The following RNF115 variants were observed in gnomAD, a reference collection of about 807,000 sequenced individuals.
The protein encoded by RNF115 is E3 ubiquitin-protein ligase RNF115.
Under a neutral mutation model 39.2 loss-of-function variants are expected in RNF115, and 31 were observed. The ratio of observed to expected loss-of-function variants is 0.79; its 90% confidence interval spans 0.59 to 1.07. RNF115 has a LOEUF of 1.07. Among genes scored for constraint, RNF115 ranks in the 50% least tolerant of loss-of-function variants. The pLI is 0.00. For missense variants in RNF115, 384 were observed against 381.7 expected (o/e 1.01, Z -0.05); for synonymous variants, 124 against 131.0 (o/e 0.95, Z 0.37).
In RNF115 at chr1:145,752,982, A is replaced by G. The variant is rs782416502; in HGVS notation, c.496T>C (p.Ser166Pro). Reference protein sequence around the residue: ...SAIPGSPHPFSWSGMLHSNPG... With the variant: ...SAIPGSPHPFPWSGMLHSNPG... The stretch of plus-strand genomic sequence containing the variant: ...AGAAAACAATTAGTTACTTACCAGG[A>G]AAAAGGGTGTGGAGATCCAGGAATG... Residue 166 changes from serine (S) to proline (P), a missense_variant, in exon 5 of 9, where the codon TCC (serine) becomes CCC (proline). Coordinates refer to ENST00000582693, the MANE Select transcript of RNF115 (RefSeq NM_014455.4). The G allele has an allele frequency of 1.3e-6, 2 of 1,588,846 alleles. No individual in the cohort carries two copies. Among genetic ancestry groups the G allele is most frequent in the African/African-American group, 2.7e-5 (2 of 74,376 alleles).
rs147826792 is a variant in RNF115, at chr1:145,750,432, T to C, written c.642A>G (p.Thr214=). Residue 214 remains threonine (T), a synonymous_variant, in exon 7 of 9, where the codon ACA becomes ACG. Coordinates refer to ENST00000582693, the MANE Select transcript of RNF115 (RefSeq NM_014455.4). ...CAACTTGTTCCTGAGTTACTGTCACTGTTGGAAGAGATGTGATCTTTTCCT... is the reference window on the plus strand; with the variant it reads ...CAACTTGTTCCTGAGTTACTGTCACCGTTGGAAGAGATGTGATCTTTTCCT... ...ADKEKITSLP[T]VTVTQEQVDM... 267 of 1,613,736 alleles carry C rather than the reference T, an allele frequency of 1.7e-4. 1 individual carries two copies. The East Asian group carries it at 5.8e-3, about 35-fold the overall frequency.
At chr1:145,749,686 T>TA (rs1341088901) in intron 7 of RNF115, among the ~76,000 whole-genome samples, 1 of 152,168 alleles carries the variant, frequency 6.6e-6, no homozygotes, top group Non-Finnish European at 1.5e-5. Flanking sequence ...TGCAACACTC[T>TA]AAAATCCCTG....
intron 3 of RNF115, 47 bp from the exon 4 acceptor site, chr1:145,771,966 A>C (rs371222100): frequency 6.8e-7 from 1 of 1,466,418 alleles, no homozygotes; most frequent in Non-Finnish European, 9.5e-7. Flanking sequence ...ATCAATCAAT[A>C]AACACCTGGA....
chr1:145,794,294 T>TA, intron 1 of RNF115, among the ~76,000 whole-genome samples: 1 of 152,216 alleles, frequency 6.6e-6, no homozygotes, highest in African/African-American at 2.4e-5. Context: ...CACTTAAAGT[T>TA]AAATTCTTTA....
intron 1 of RNF115, among the ~76,000 whole-genome samples, chr1:145,819,855 C>T (rs1471551315): frequency 2.0e-5 from 3 of 152,130 alleles, no homozygotes; most frequent in African/African-American, 7.2e-5. Context: ...CCGGCCAACA[C>T]GGGGAAACCC....
intron 4 of RNF115, among the ~76,000 whole-genome samples, chr1:145,754,702 AT>A (rs1553712944): frequency 1.3e-5 from 2 of 152,300 alleles, no homozygotes; most frequent in South Asian, 4.1e-4. Context: ...TTTAACTAAA[AT>A]TTTGTATCCT....
rs986487434 is a variant in RNF115, at chr1:145,787,036, T to A, written c.161+1872A>T. 21 of 1,276,754 alleles carry A rather than the reference T, an allele frequency of 1.6e-5. No individual in the cohort carries two copies. The African/African-American group carries it at 3.1e-4, about 19-fold the overall frequency. The allele number at this position is 1,276,754 out of a possible 1,614,324, so 79.1% of individuals were successfully genotyped here. A position where few individuals can be genotyped will look rare whatever the true frequency, so the allele number is the denominator to read the frequency against. Reference sequence around the variant, plus strand: ...CTGTAAAATGTGTAGTTTTTCCTGGTTGTGGAAGGGACCTTCAACTTTAGA... The same window carrying A: ...CTGTAAAATGTGTAGTTTTTCCTGGATGTGGAAGGGACCTTCAACTTTAGA... On this transcript the variant is annotated intron_variant, in intron 2 of 8. Coordinates refer to ENST00000582693, the MANE Select transcript of RNF115 (RefSeq NM_014455.4).
In RNF115 at chr1:145,746,788, C is replaced by T; in HGVS notation, c.*78G>A. 7.0e-7 allele frequency: 1 copy of T among 1,422,286 alleles called. No individual in the cohort carries two copies. Among genetic ancestry groups the T allele is most frequent in the Non-Finnish European group, 9.7e-7 (1 of 1,036,128 alleles). The allele number at this position is 1,422,286 out of a possible 1,614,324, so 88.1% of individuals were successfully genotyped here. On this transcript the variant is annotated 3_prime_UTR_variant, in exon 9 of 9. Transcript: ENST00000582693. Reference sequence around the variant, plus strand: ...TCTTACATATTCCTAAATCCATCTACTAATTTTTTGTTTTGATACAATTTA... The same window carrying T: ...TCTTACATATTCCTAAATCCATCTATTAATTTTTTGTTTTGATACAATTTA...
intron 5 of RNF115, among the ~76,000 whole-genome samples, chr1:145,752,698 C>T (rs1350712046): frequency 2.7e-5 from 4 of 147,882 alleles, no homozygotes; most frequent in African/African-American, 1.0e-4. Flanking sequence ...AAGTGATTCT[C>T]CTGCCTCAGC....
chr1:145,820,021 G>A (rs1650164885), intron 1 of RNF115, among the ~76,000 whole-genome samples: 1 of 144,976 alleles, frequency 6.9e-6, no homozygotes, highest in Non-Finnish European at 1.5e-5. Context: ...CTGGGCTAAA[G>A]AGCAAGACTC....
At chr1:145,788,792 T>G (rs1648505421) in intron 2 of RNF115, 116 bp downstream of exon 2, 1 of 783,652 alleles carries the variant, frequency 1.3e-6, no homozygotes, top group African/African-American at 1.7e-5. Flanking sequence ...TCTCTCTCAC[T>G]CTCGCTCTCT....
At chr1:145,784,305 A>G (rs1362213503) in intron 3 of RNF115, among the ~76,000 whole-genome samples, 1 of 152,242 alleles carries the variant, frequency 6.6e-6, no homozygotes, top group Admixed American at 6.5e-5. Flanking sequence ...TACCAGTTTA[A>G]AAGAATACAG....
At chr1:145,756,813 T>TGTGTTCAC (rs1209417982) in intron 4 of RNF115, among the ~76,000 whole-genome samples, 3 of 146,306 alleles carry the variant, frequency 2.1e-5, no homozygotes, top group African/African-American at 5.1e-5. Flanking sequence ...TCTGTGTTCA[T>TGTGTTCAC]GTCCAAATTT....
chr1:145,790,677 C>T (rs1384750960), intron 1 of RNF115, among the ~76,000 whole-genome samples: 1 of 152,118 alleles, frequency 6.6e-6, no homozygotes, highest in Non-Finnish European at 1.5e-5. Context: ...GGTGATCTGC[C>T]TGCCTTGGCC....
At chr1:145,771,072 T>C (rs1442832787) in intron 4 of RNF115, among the ~76,000 whole-genome samples, 1 of 152,216 alleles carries the variant, frequency 6.6e-6, no homozygotes, top group East Asian at 1.9e-4. Flanking sequence ...TTTTGAAATT[T>C]TGATAAATAT....
At chr1:145,791,350 T>TAA (rs144482903) in intron 1 of RNF115, among the ~76,000 whole-genome samples, 1,744 of 139,696 alleles carry the variant, frequency 0.012, 27 homozygotes, top group African/African-American at 0.032. Context: ...CATCTCTACT[T>TAA]AAAAAAAAAA....
At chr1:145,787,029 T>C in intron 2 of RNF115, 1 of 1,272,550 alleles carries the variant, frequency 7.9e-7, no homozygotes, top group Middle Eastern at 2.1e-4. Context: ...TGTGTAGTTT[T>C]TCCTGGTTGT....
chr1:145,774,289 T>C (rs1196667659), intron 3 of RNF115, among the ~76,000 whole-genome samples: 1 of 137,322 alleles, frequency 7.3e-6, no homozygotes, highest in Non-Finnish European at 1.6e-5. Context: ...ATGTCTTCTC[T>C]TTCCCCCAAC....
chr1:145,783,866 T>C (rs4970867), intron 3 of RNF115, among the ~76,000 whole-genome samples: 6,946 of 151,904 alleles, frequency 0.046, 554 homozygotes, highest in African/African-American at 0.16. Flanking sequence ...AGACTTTAGG[T>C]CAATGGACGA....
Sources: allele counts gnomAD v4.1 joint callset (sites outside exome capture counted in the v4.1 genomes callset), GRCh38; gene constraint gnomAD v4.1.1; transcripts MANE v1.5; gene names NCBI Gene and HGNC (gene_info 2026-07-23, HGNC 2026-07-21).